CCDC171: variants seen among roughly 807,000 people sequenced by gnomAD.
CCDC171 encodes the protein coiled-coil domain-containing protein 171.
CCDC171 carries 177 observed loss-of-function variants against 168.2 expected under a neutral mutation model. The observed-to-expected ratio is 1.05, with a 90% CI of 0.93 to 1.19. The LOEUF (loss-of-function observed/expected upper bound fraction) is 1.19. Ranked by LOEUF, CCDC171 falls within the 50% of genes most tolerant of loss-of-function variation. CCDC171 has a pLI of 0.00. For missense variants in CCDC171, 1,991 were observed against 1,539.0 expected (o/e 1.29, Z -4.91); for synonymous variants, 687 against 540.8 (o/e 1.27, Z -3.75).
rs775780876 is a variant in CCDC171 at position 15,666,147 on chromosome 9, G to C, written c.916-16G>C. On this transcript the variant is annotated splice_polypyrimidine_tract_variant and intron_variant, in intron 8 of 25. Transcript: ENST00000380701. ...ATTTCTTAGCTTGATTTAATTACTT[G>C]TCTGTCGTCCGGTAGTTACGGATTC... 4.3e-6 allele frequency: 7 copies of C among 1,609,290 alleles called. No homozygotes were observed. The highest frequency in any genetic ancestry group is 5.9e-6 in the Non-Finnish European group (7 of 1,177,814).
chr9:15,758,418 C>T (rs1450362938), intron 18 of CCDC171, among the ~76,000 whole-genome samples: 1 of 152,198 alleles, frequency 6.6e-6, no homozygotes, highest in African/African-American at 2.4e-5. Context: ...TTACCCAATG[C>T]CTGTACCTCC....
At chr9:16,024,645 C>G (rs997151037) in intron 6 of CCDC171, among the ~76,000 whole-genome samples, 2 of 152,200 alleles carry the variant, frequency 1.3e-5, no homozygotes, top group African/African-American at 2.4e-5. Context: ...ATGCAGCCAG[C>G]AACCCAAGCA....
intron 2 of CCDC171, among the ~76,000 whole-genome samples, chr9:15,570,581 G>C (rs2040146151): frequency 6.6e-6 from 1 of 152,186 alleles, no homozygotes; most frequent in South Asian, 2.1e-4. Context: ...CAGTGTGTGA[G>C]ACTTTGTGTT....
rs557534419 is a variant in CCDC171 at position 15,705,694 on chromosome 9, AC to A, written c.1318+10359del. On this transcript the variant is annotated intron_variant, in intron 11 of 25. Transcript: ENST00000380701. ...ATGCTCTACTTTTTTCCCCCATAGC[AC>A]CTATTGCAGTCAAACATTTCTATCA... Among the ~76,000 whole-genome samples, 21 of 152,190 alleles carry A rather than the reference AC, an allele frequency of 1.4e-4. No homozygotes were observed. In the South Asian group the frequency reaches 4.2e-3, roughly 30 times the overall value.
chr9:15,839,454 A>G (rs1303582738), intron 21 of CCDC171, among the ~76,000 whole-genome samples: 6 of 152,142 alleles, frequency 3.9e-5, no homozygotes, highest in Admixed American at 3.3e-4. Context: ...TCACATTTTG[A>G]CATAAACCTA....
intron 25 of CCDC171, among the ~76,000 whole-genome samples, chr9:15,938,528 G>C (rs1827355016): frequency 6.6e-6 from 1 of 151,722 alleles, no homozygotes; most frequent in South Asian, 2.1e-4. Context: ...TAGAACAAAA[G>C]GATCTTTCTC....
chr9:15,868,771 G>C (rs4961713), intron 23 of CCDC171, among the ~76,000 whole-genome samples: 56,327 of 151,812 alleles, frequency 0.37, 12,923 homozygotes, highest in East Asian at 0.63. Context: ...ACTAGACTTA[G>C]TATCCTCATA....
At chr9:16,053,430 A>G (rs907202454) in intron 1 of CCDC171, among the ~76,000 whole-genome samples, 1 of 152,268 alleles carries the variant, frequency 6.6e-6, no homozygotes, top group Non-Finnish European at 1.5e-5. Flanking sequence ...AAGGGCTCAC[A>G]TGTCAGCCCT....
At chr9:15,674,415 A>T (rs199797291) in intron 9 of CCDC171, among the ~76,000 whole-genome samples, 1 of 151,708 alleles carries the variant, frequency 6.6e-6, no homozygotes, top group East Asian at 1.9e-4. Flanking sequence ...TTTGAATTTG[A>T]TTGCTCTTGC....
At chr9:15,824,561 G>A (rs1286997630) in intron 21 of CCDC171, among the ~76,000 whole-genome samples, 3 of 151,910 alleles carry the variant, frequency 2.0e-5, no homozygotes, top group Non-Finnish European at 4.4e-5. Context: ...AATTTACAAA[G>A]CCTGTTTTAA....
intron 1 of CCDC171, among the ~76,000 whole-genome samples, chr9:16,046,299 G>A (rs950830754): frequency 6.6e-6 from 1 of 152,068 alleles, no homozygotes; most frequent in Admixed American, 6.5e-5. Flanking sequence ...CAGAGGAGCA[G>A]GGTGCATTAG....
At chr9:15,665,325 A>G (rs2048655235) in intron 8 of CCDC171, among the ~76,000 whole-genome samples, 1 of 152,186 alleles carries the variant, frequency 6.6e-6, no homozygotes, top group Admixed American at 6.5e-5. Flanking sequence ...AATAACGATA[A>G]CCATAAATAT....
rs141392962 is a variant in CCDC171, at chr9:15,909,480, A to G, written c.3601-10790A>G. ...GTGGTTGGCAGTCTGACATCCTGAT[A>G]TAGTCCTTCTTACACAACTTTTTAC... On this transcript the variant is annotated intron_variant, in intron 24 of 25. Transcript: ENST00000380701. Among the ~76,000 whole-genome samples, 127 of 152,234 alleles carry G rather than the reference A, an allele frequency of 8.3e-4. 1 individual carries two copies. The highest frequency in any genetic ancestry group is 2.6e-3 in the African/African-American group (110 of 41,548).
At chr9:15,621,787 T>A (rs1250759090) in intron 6 of CCDC171, among the ~76,000 whole-genome samples, 1 of 152,158 alleles carries the variant, frequency 6.6e-6, no homozygotes, top group Admixed American at 6.5e-5. Flanking sequence ...GGGTATATAC[T>A]CAAAGGAATA....
intron 23 of CCDC171, among the ~76,000 whole-genome samples, chr9:15,864,418 T>C (rs1325347449): frequency 6.6e-6 from 1 of 152,110 alleles, no homozygotes; most frequent in Non-Finnish European, 1.5e-5. Context: ...CATTAACTTG[T>C]CATTTACATT....
At chr9:15,994,665 G>T (rs974140496) in intron 3 of CCDC171, among the ~76,000 whole-genome samples, 1 of 152,166 alleles carries the variant, frequency 6.6e-6, no homozygotes, top group Non-Finnish European at 1.5e-5. Flanking sequence ...TAGTCCTTCA[G>T]TAAGCCCATT....
At chr9:15,822,231 T>G (rs1450355115) in intron 21 of CCDC171, among the ~76,000 whole-genome samples, 2 of 152,020 alleles carry the variant, frequency 1.3e-5, no homozygotes, top group Non-Finnish European at 2.9e-5. Context: ...ATAAAAACCC[T>G]AGAAGAAAAC....
chr9:15,630,487 A>G (rs2045585328), intron 7 of CCDC171, among the ~76,000 whole-genome samples: 1 of 152,334 alleles, frequency 6.6e-6, no homozygotes, highest in East Asian at 1.9e-4. Flanking sequence ...TATCCTAAAT[A>G]TATGTGCACC....
rs920625651 is a variant in CCDC171 at position 15,687,890 on chromosome 9, G to A, written c.1216-7345G>A. On this transcript the variant is annotated intron_variant, in intron 10 of 25. Transcript: ENST00000380701. Reference sequence around the variant, plus strand: ...TAATCCTAACACTTGGGAGGCCAAGGTGGGCAGATCATGAGGTTAGGAGTT... The same window carrying A: ...TAATCCTAACACTTGGGAGGCCAAGATGGGCAGATCATGAGGTTAGGAGTT... Among the ~76,000 whole-genome samples the A allele has an allele frequency of 9.9e-5, 15 of 152,242 alleles. 1 individual carries two copies. The highest frequency in any genetic ancestry group is 3.3e-4 in the Admixed American group (5 of 15,272).
Sources: gnomAD v4.1 joint callset for allele counts (sites outside exome capture counted in the v4.1 genomes callset) on GRCh38, gnomAD v4.1.1 for gene constraint, MANE v1.5 for transcripts, NCBI Gene and HGNC (gene_info 2026-07-23, HGNC 2026-07-21) for gene names.